The following ZMYND8 variants were observed in gnomAD, a reference collection of about 807,000 sequenced individuals.
ZMYND8 encodes the protein zinc finger MYND-type containing 8.
In ZMYND8, 37 loss-of-function variants were observed where a neutral mutation model predicts 140.8. That is an observed-to-expected ratio of 0.26 (90% confidence interval 0.20 to 0.35). ZMYND8 has a LOEUF of 0.35. Among genes scored for constraint, ZMYND8 ranks in the 10% least tolerant of loss-of-function variants. The probability of loss-of-function intolerance (pLI) is 1.00; values close to 1 mark genes in which losing one functional copy is unlikely to be tolerated. For synonymous variants in ZMYND8, 592 were observed against 597.1 expected, an observed-to-expected ratio of 0.99 and a Z score of 0.12; for missense variants, 1,068 against 1,570.0, an observed-to-expected ratio of 0.68 and a Z score of 5.40.
intron 10 of ZMYND8, among the ~76,000 whole-genome samples, chr20:47,278,063 C>G (rs1328278038): frequency 6.6e-6 from 1 of 152,106 alleles, no homozygotes; most frequent in African/African-American, 2.4e-5. Context: ...GCCTCAAACT[C>G]CTGGACTCAA....
chr20:47,290,886 C>A (rs536513284), intron 6 of ZMYND8, among the ~76,000 whole-genome samples: 6 of 151,938 alleles, frequency 3.9e-5, no homozygotes, highest in Non-Finnish European at 8.8e-5. Context: ...CCACCGCGCC[C>A]GGCCAAACAG....
intron 22 of ZMYND8, among the ~76,000 whole-genome samples, chr20:47,212,015 G>A (rs2035341704): frequency 1.3e-5 from 2 of 152,208 alleles, no homozygotes; most frequent in Non-Finnish European, 2.9e-5. Context: ...AGGCAGAGCT[G>A]GGGGCAAGGG....
intron 12 of ZMYND8, among the ~76,000 whole-genome samples, chr20:47,250,763 A>G (rs762983457): frequency 6.6e-6 from 1 of 152,236 alleles, no homozygotes; most frequent in Non-Finnish European, 1.5e-5. Context: ...CCTTCAAAGT[A>G]ACTAGAAGCA....
intron 16 of ZMYND8, among the ~76,000 whole-genome samples, chr20:47,235,363 C>A (rs549193095): frequency 6.6e-6 from 1 of 152,262 alleles, no homozygotes; most frequent in South Asian, 2.1e-4. Flanking sequence ...TCTCACATGA[C>A]GCTGAGAACT....
intron 16 of ZMYND8, 21 bp downstream of exon 16, chr20:47,236,305 G>A: frequency 6.2e-7 from 1 of 1,613,998 alleles, no homozygotes; most frequent in Middle Eastern, 1.7e-4. Context: ...CATCTCCACG[G>A]TAGCTCTCCC....
At chr20:47,269,773 T>C (rs1601463862) in intron 11 of ZMYND8, among the ~76,000 whole-genome samples, 1 of 152,186 alleles carries the variant, frequency 6.6e-6, no homozygotes, top group African/African-American at 2.4e-5. Context: ...CTAAATGTCC[T>C]CCAGTTATAA....
At chr20:47,275,731 C>T (rs2076217091) in intron 11 of ZMYND8, among the ~76,000 whole-genome samples, 1 of 151,996 alleles carries the variant, frequency 6.6e-6, no homozygotes, top group Non-Finnish European at 1.5e-5. Flanking sequence ...ACTATAGTCC[C>T]AGAGTAGCTA....
At position 47,238,909 on chromosome 20, in the gene ZMYND8, C is replaced by T; in HGVS notation, c.2514G>A (p.Val838=). The part of the protein sequence containing the change: ...KETAPAVQRV[V]WNSSSKFQTS... ...TTTGAAACTTACTTGATGAGTTCCA[C>T]ACGACCCGCTGCACGGCCGGGGCAG... is the stretch of plus-strand genomic sequence containing the variant. Residue 838 remains valine (V), a synonymous_variant, in exon 15 of 23, where the codon GTG becomes GTA. Coordinates refer to ENST00000471951, the MANE Select transcript of ZMYND8 (RefSeq NM_001281775.3). 6.2e-7 allele frequency: 1 copy of T among 1,614,136 alleles called. No individual in the cohort carries two copies. The highest frequency in any genetic ancestry group is 8.5e-7 in the Non-Finnish European group (1 of 1,180,052).
chr20:47,325,421 G>A (rs2080330502), intron 2 of ZMYND8, among the ~76,000 whole-genome samples: 2 of 152,072 alleles, frequency 1.3e-5, no homozygotes, highest in African/African-American at 4.8e-5. Flanking sequence ...TGTACAGGTG[G>A]GCCAGCCAAC....
rs371194124 is a variant in ZMYND8, at chr20:47,273,202, A to T, written c.1480+3112T>A. On this transcript the variant is annotated intron_variant, in intron 11 of 22. Coordinates refer to ENST00000471951, the MANE Select transcript of ZMYND8 (RefSeq NM_001281775.3). The stretch of plus-strand genomic sequence containing the variant: ...GTTCCTGAGGGGCCTGCAAGCGAAG[A>T]AAGGTATTTTAACATTTTTTTAATG... Among the ~76,000 whole-genome samples, 5 of 152,224 alleles carry T rather than the reference A, an allele frequency of 3.3e-5. No individual in the cohort carries two copies. In the East Asian group the frequency reaches 9.6e-4, roughly 29 times the overall value.
At chr20:47,310,516 G>A (rs2078840543) in intron 2 of ZMYND8, among the ~76,000 whole-genome samples, 2 of 151,964 alleles carry the variant, frequency 1.3e-5, no homozygotes, top group Admixed American at 1.3e-4. Context: ...AGATTAGGAG[G>A]GCCAGGCACG....
Position 47,239,118 on chromosome 20 carries a change from A to C in ZMYND8, c.2305T>G (p.Ser769Ala), listed in dbSNP as rs2039627845. The part of the protein sequence containing the change: ...KQDVVGKTPP[S>A]TTVGSHSPPE... Reference sequence around the variant, plus strand: ...GGAGAATGGCTGCCCACCGTCGTGGATGGTGGAGTTTTACCTACAACTAGC... The same window carrying C: ...GGAGAATGGCTGCCCACCGTCGTGGCTGGTGGAGTTTTACCTACAACTAGC... Residue 769 changes from serine to alanine, a missense_variant, in exon 15 of 23, where the codon TCC becomes GCC. This residue lies in a region of ZMYND8 where 383 missense variants were observed against 431.2 expected (regional missense o/e 0.89). Coordinates refer to ENST00000471951, the MANE Select transcript of ZMYND8 (RefSeq NM_001281775.3). The C allele has an allele frequency of 2.7e-6, 4 of 1,503,764 alleles. No homozygotes were observed. The East Asian group carries it at 9.1e-5, about 34-fold the overall frequency. The allele number at this position is 1,503,764 out of a possible 1,614,324, so 93.2% of individuals were successfully genotyped here.
intron 9 of ZMYND8, among the ~76,000 whole-genome samples, chr20:47,283,027 AC>A (rs2076706091): frequency 6.6e-6 from 1 of 151,962 alleles, no homozygotes; most frequent in Non-Finnish European, 1.5e-5. Context: ...TTGCCTCCAA[AC>A]CCACTCCAAC....
At chr20:47,312,440 T>A (rs2079009701) in intron 2 of ZMYND8, among the ~76,000 whole-genome samples, 1 of 152,090 alleles carries the variant, frequency 6.6e-6, no homozygotes, top group Non-Finnish European at 1.5e-5. Flanking sequence ...AATTAAATGC[T>A]AACAACAGGT....
rs964897462 is a variant in ZMYND8, at chr20:47,281,778, A to C, written c.998+324T>G. On this transcript the variant is annotated intron_variant, in intron 10 of 22. Transcript: ENST00000471951. The stretch of plus-strand genomic sequence containing the variant: ...AGCAGTTTCCATGGAGGTTTAATTT[A>C]CTTCAGAAACCCCCTCCCAAAAAAT... Among the ~76,000 whole-genome samples the C allele has an allele frequency of 2.0e-5, 3 of 152,244 alleles. No individual in the cohort carries two copies. In the South Asian group the frequency reaches 6.2e-4, roughly 32 times the overall value.
intron 11 of ZMYND8, among the ~76,000 whole-genome samples, chr20:47,268,603 C>T (rs1198279185): frequency 6.6e-6 from 1 of 151,542 alleles, no homozygotes; most frequent in Admixed American, 6.6e-5. Flanking sequence ...CTGGTGAAAC[C>T]CCGTCTCTAC....
chr20:47,352,573 T>C, intron 1 of ZMYND8: 3 of 980,604 alleles, frequency 3.1e-6, no homozygotes, highest in African/African-American at 1.7e-5. Context: ...ACAGCCTGAG[T>C]GGATAACGTC....
intron 14 of ZMYND8, among the ~76,000 whole-genome samples, chr20:47,242,591 C>G (rs534294122): frequency 6.6e-6 from 1 of 152,264 alleles, no homozygotes; most frequent in East Asian, 1.9e-4. Context: ...AGCCTGTCTC[C>G]CCACCGTAAG....
chr20:47,210,204 T>C lies in ZMYND8; in HGVS notation c.*557A>G, dbSNP rs1327643760. 1 of 153,154 alleles carries C rather than the reference T, an allele frequency of 6.5e-6. No homozygotes were observed. Among genetic ancestry groups the C allele is most frequent in the African/African-American group, 2.4e-5 (1 of 41,418 alleles). 9.5% of individuals were successfully genotyped at this position (153,154 alleles called of 1,614,324 possible). A position where few individuals can be genotyped will look rare whatever the true frequency, so the allele number is the denominator to read the frequency against. On this transcript the variant is annotated 3_prime_UTR_variant, in exon 23 of 23. Coordinates refer to ENST00000471951, the MANE Select transcript of ZMYND8 (RefSeq NM_001281775.3). ...GAAAGGAGCCAACGGCTTGATGGGA[T>C]AGTCTGTGCCGAAACTCCCGATCCC...
Sources: gnomAD v4.1 joint callset for allele counts (sites outside exome capture counted in the v4.1 genomes callset) on GRCh38, gnomAD v4.1.1 for gene constraint, gnomAD v4.1.1 regional missense constraint, MANE v1.5 for transcripts, NCBI Gene and HGNC (gene_info 2026-07-23, HGNC 2026-07-21) for gene names.